Variants in ALPK1 observed in about 807,000 individuals in gnomAD.
ALPK1 encodes alpha kinase 1, also known as alpha-protein kinase 1.
ALPK1 carries 110 observed loss-of-function variants against 120.6 expected under a neutral mutation model. The observed-to-expected ratio is 0.91, with a 90% CI of 0.78 to 1.07. ALPK1 has a LOEUF of 1.07. Ranked by LOEUF, ALPK1 falls within the 50% of genes least tolerant of loss-of-function variation. The pLI, the probability that ALPK1 is intolerant of heterozygous loss-of-function variation, is 0.00. For synonymous variants in ALPK1, 582 were observed against 560.3 expected (o/e 1.04, Z -0.55); for missense variants, 1,498 against 1,483.9 (o/e 1.01, Z -0.16).
chr4:112,333,904 G>GT (rs1729499259), intron 2 of ALPK1, among the ~76,000 whole-genome samples: 1 of 150,886 alleles, frequency 6.6e-6, no homozygotes, highest in Non-Finnish European at 1.5e-5. Context: ...TTTTGCTTTT[G>GT]TTTTTTGTTT....
chr4:112,411,246 A>G (rs1407840905), intron 4 of ALPK1, among the ~76,000 whole-genome samples: 2 of 152,058 alleles, frequency 1.3e-5, no homozygotes, highest in African/African-American at 2.4e-5. Flanking sequence ...TGTTGTTGAG[A>G]CGGAGTCTCG....
intron 2 of ALPK1, among the ~76,000 whole-genome samples, chr4:112,326,008 C>T (rs1230807969): frequency 6.6e-6 from 1 of 152,158 alleles, no homozygotes; most frequent in African/African-American, 2.4e-5. Context: ...CTGGCTGAGC[C>T]ATCAAAGCCT....
chr4:112,310,800 T>G (rs1728368080), intron 1 of ALPK1, among the ~76,000 whole-genome samples: 1 of 152,080 alleles, frequency 6.6e-6, no homozygotes, highest in South Asian at 2.1e-4. Context: ...AAGACCCTTA[T>G]AGCAATGCTT....
chr4:112,440,464 G>A (rs1578580463), intron 14 of ALPK1, among the ~76,000 whole-genome samples: 1 of 152,096 alleles, frequency 6.6e-6, no homozygotes, highest in African/African-American at 2.4e-5. Context: ...AGCTTGTTCA[G>A]TCGGTACCAC....
At chr4:112,412,481 T>C (rs934577294) in intron 5 of ALPK1, 7 of 457,044 alleles carry the variant, frequency 1.5e-5, no homozygotes, top group African/African-American at 8.0e-5. Context: ...GGGTTTTTTT[T>C]CATCATTCAG....
At chr4:112,391,811 T>C (rs1732432142) in intron 4 of ALPK1, among the ~76,000 whole-genome samples, 1 of 152,234 alleles carries the variant, frequency 6.6e-6, no homozygotes, top group South Asian at 2.1e-4. Context: ...ATCTATATTC[T>C]TTTAAATCAC....
chr4:112,392,985 A>G (rs1371750208), intron 4 of ALPK1, among the ~76,000 whole-genome samples: 1 of 152,246 alleles, frequency 6.6e-6, no homozygotes, highest in Non-Finnish European at 1.5e-5. Flanking sequence ...TCCTCTTTCT[A>G]CATGTCCATC....
intron 2 of ALPK1, among the ~76,000 whole-genome samples, chr4:112,370,279 C>T (rs1014721478): frequency 2.0e-5 from 3 of 152,110 alleles, no homozygotes; most frequent in African/African-American, 7.2e-5. Context: ...ACACATGACC[C>T]CTTAGCTGTG....
intron 2 of ALPK1, among the ~76,000 whole-genome samples, chr4:112,340,764 TC>T (rs1418364264): frequency 6.6e-6 from 1 of 152,258 alleles, no homozygotes; most frequent in Non-Finnish European, 1.5e-5. Context: ...TTTTACTACT[TC>T]ATAGGAAGTC....
intron 1 of ALPK1, among the ~76,000 whole-genome samples, chr4:112,303,156 T>C (rs1211005890): frequency 6.6e-6 from 1 of 152,166 alleles, no homozygotes; most frequent in Non-Finnish European, 1.5e-5. Flanking sequence ...CCATTATACA[T>C]GTTAGATTCT....
chr4:112,348,498 C>A (rs561206623), intron 2 of ALPK1, among the ~76,000 whole-genome samples: 1 of 152,352 alleles, frequency 6.6e-6, no homozygotes, highest in South Asian at 2.1e-4. Context: ...CTAGTAGAAT[C>A]CTACTGTCGA....
At chr4:112,305,571 G>A (rs1455820548) in intron 1 of ALPK1, among the ~76,000 whole-genome samples, 1 of 152,108 alleles carries the variant, frequency 6.6e-6, no homozygotes, top group Admixed American at 6.5e-5. Context: ...TGGTGTATAA[G>A]AATGCTTGTG....
intron 2 of ALPK1, among the ~76,000 whole-genome samples, chr4:112,362,963 A>G (rs774408662): frequency 9.2e-5 from 14 of 152,224 alleles, no homozygotes; most frequent in Non-Finnish European, 1.9e-4. Flanking sequence ...TTGTCAGCCA[A>G]AAATTTTGTA....
chr4:112,392,229 A>G (rs1732449573), intron 4 of ALPK1, among the ~76,000 whole-genome samples: 1 of 152,026 alleles, frequency 6.6e-6, no homozygotes, highest in Non-Finnish European at 1.5e-5. Context: ...TAATCTCTCA[A>G]CTTCTTCTCC....
intron 2 of ALPK1, among the ~76,000 whole-genome samples, chr4:112,329,119 A>T (rs1729246461): frequency 6.6e-6 from 1 of 152,194 alleles, no homozygotes; most frequent in African/African-American, 2.4e-5. Flanking sequence ...GTACCTATGA[A>T]AATGTTGAAT....
chr4:112,391,375 A>T (rs1301882528), intron 4 of ALPK1, among the ~76,000 whole-genome samples: 1 of 152,216 alleles, frequency 6.6e-6, no homozygotes, highest in Non-Finnish European at 1.5e-5. Flanking sequence ...CAATTGCCAA[A>T]ACAATTTTGT....
chr4:112,376,363 C>A (rs1389798523), intron 2 of ALPK1, among the ~76,000 whole-genome samples: 1 of 152,120 alleles, frequency 6.6e-6, no homozygotes, highest in African/African-American at 2.4e-5. Flanking sequence ...CAAGCTTTGC[C>A]TTGGCAGTTC....
intron 1 of ALPK1, among the ~76,000 whole-genome samples, chr4:112,303,693 C>T (rs954360279): frequency 2.8e-4 from 42 of 151,772 alleles, no homozygotes; most frequent in South Asian, 2.1e-4. Flanking sequence ...GATCTCCCAG[C>T]GACATGCTTC....
chr4:112,373,424 G>C (rs1048218435), intron 2 of ALPK1, among the ~76,000 whole-genome samples: 2 of 152,190 alleles, frequency 1.3e-5, no homozygotes, highest in African/African-American at 2.4e-5. Flanking sequence ...GTGACTTATA[G>C]ACATTTGAGT....
Sources: allele counts gnomAD v4.1 joint callset (sites outside exome capture counted in the v4.1 genomes callset), GRCh38; gene constraint gnomAD v4.1.1; transcripts MANE v1.5; gene names NCBI Gene and HGNC (gene_info 2026-07-23, HGNC 2026-07-21).